The following ADGRL3 variants were observed in gnomAD, a reference collection of about 807,000 sequenced individuals.
ADGRL3 encodes the protein adhesion G protein-coupled receptor L3, also known as calcium-independent alpha-latrotoxin receptor 3.
In ADGRL3, 62 loss-of-function variants were observed where a neutral mutation model predicts 153.5. The ratio of observed to expected loss-of-function variants is 0.40; its 90% CI spans 0.33 to 0.50. The LOEUF (loss-of-function observed/expected upper bound fraction) is 0.50, where lower values mean the gene tolerates loss of function less well. Among genes scored for constraint, ADGRL3 ranks in the 20% least tolerant of loss-of-function variants. The pLI is 0.47. For synonymous variants in ADGRL3, 710 were observed against 672.5 expected, an observed-to-expected ratio of 1.06 and a Z score of -0.86; for missense variants, 1,641 against 1,859.4, an observed-to-expected ratio of 0.88 and a Z score of 2.16.
At position 61,627,900 on chromosome 4, in the gene ADGRL3, G is replaced by A. The variant is rs111643880; in HGVS notation, c.473+40460G>A. On this transcript the variant is annotated intron_variant, in intron 5 of 26. Transcript: ENST00000683033. Reference sequence around the variant, plus strand: ...ACTGTCATATGTTTTGTGTTTGGGTGGGCTAGGGGATTGAGGAAATGAAAG... The same window carrying A: ...ACTGTCATATGTTTTGTGTTTGGGTAGGCTAGGGGATTGAGGAAATGAAAG... Among the ~76,000 whole-genome samples, 291 of 152,092 alleles carry A rather than the reference G, an allele frequency of 1.9e-3. 3 individuals are homozygous for A. Among genetic ancestry groups the A allele is most frequent in the African/African-American group, 6.5e-3 (269 of 41,488 alleles).
rs1192697192 is a variant in ADGRL3, at chr4:61,424,102, T to C, written c.-174+40913T>C. On this transcript the variant is annotated intron_variant, in intron 2 of 26. Transcript: ENST00000683033. ...AGAACACTCAGGGGGTGAAGGGGCA[T>C]AGGCAGGTGGGACATGGCTTTATTA... Among the ~76,000 whole-genome samples, 3 of 152,032 alleles carry C rather than the reference T, an allele frequency of 2.0e-5. 1 individual carries two copies. The highest frequency in any genetic ancestry group is 2.0e-4 in the Admixed American group (3 of 15,250).
chr4:61,868,629 T>C (rs2098417210), intron 9 of ADGRL3, among the ~76,000 whole-genome samples: 1 of 152,196 alleles, frequency 6.6e-6, no homozygotes. Context: ...AAACTTGCCT[T>C]TCTTTTTTTT....
At chr4:61,340,836 A>G (rs1463369303) in intron 1 of ADGRL3, among the ~76,000 whole-genome samples, 1 of 151,386 alleles carries the variant, frequency 6.6e-6, no homozygotes, top group Non-Finnish European at 1.5e-5. Context: ...TTGTGTATAT[A>G]TATATATATA....
intron 1 of ADGRL3, among the ~76,000 whole-genome samples, chr4:61,358,596 C>CA (rs71211377): frequency 0.072 from 7,000 of 96,838 alleles, 747 homozygotes; most frequent in African/African-American, 0.22. Flanking sequence ...GACTCCGTCT[C>CA]AAAAAAAAAA....
At chr4:61,820,990 A>G (rs1285704261) in intron 9 of ADGRL3, among the ~76,000 whole-genome samples, 2 of 152,182 alleles carry the variant, frequency 1.3e-5, no homozygotes, top group African/African-American at 4.8e-5. Context: ...AAGCAGAGGC[A>G]TATATTATTT....
At chr4:61,377,241 A>C (rs2096614582) in intron 1 of ADGRL3, among the ~76,000 whole-genome samples, 1 of 152,088 alleles carries the variant, frequency 6.6e-6, no homozygotes, top group African/African-American at 2.4e-5. Flanking sequence ...TTATATGTGC[A>C]GACAGGCAAA....
chr4:61,799,038 T>TATAC lies in ADGRL3; in HGVS notation c.1400-14770_1400-14769insTACA, dbSNP rs1411460409. 2.5e-3 allele frequency among the ~76,000 whole-genome samples: 294 copies of TATAC among 115,690 alleles called. 5 individuals carry two copies. Among genetic ancestry groups the TATAC allele is most frequent in the African/African-American group, 9.3e-3 (265 of 28,594 alleles). 75.9% of individuals were successfully genotyped at this position (115,690 alleles called of 152,430 possible). A position where few individuals can be genotyped will look rare whatever the true frequency, so the allele number is the denominator to read the frequency against. On this transcript the variant is annotated intron_variant, in intron 8 of 26. Coordinates refer to ENST00000683033, the MANE Select transcript of ADGRL3 (RefSeq NM_001387552.1). ...ATATATATATATATATATATATATATACCATATATTGTATAGTTATACAGT... is the reference window on the plus strand; with the variant it reads ...ATATATATATATATATATATATATATATACACCATATATTGTATAGTTATACAGT...
In ADGRL3 at chr4:61,673,049, G is replaced by C. The variant is rs78950921; in HGVS notation, c.474-3777G>C. ...ATTTGTGATAACATGTATGAACCTGGAGGACATTATGCTAGATGAAATAAG... is the reference window on the plus strand; with the variant it reads ...ATTTGTGATAACATGTATGAACCTGCAGGACATTATGCTAGATGAAATAAG... On this transcript the variant is annotated intron_variant, in intron 5 of 26. Coordinates refer to ENST00000683033, the MANE Select transcript of ADGRL3 (RefSeq NM_001387552.1). Among the ~76,000 whole-genome samples, 1,499 of 151,978 alleles carry C rather than the reference G, an allele frequency of 9.9e-3. 25 individuals carry two copies. Among genetic ancestry groups the C allele is most frequent in the African/African-American group, 0.034 (1,423 of 41,512 alleles).
intron 5 of ADGRL3, among the ~76,000 whole-genome samples, chr4:61,673,339 A>C (rs560096729): frequency 6.6e-6 from 1 of 152,012 alleles, no homozygotes; most frequent in East Asian, 1.9e-4. Context: ...TAAGATGATG[A>C]ATATGTTAAT....
At chr4:61,406,636 C>A (rs1314039461) in intron 2 of ADGRL3, among the ~76,000 whole-genome samples, 7 of 151,642 alleles carry the variant, frequency 4.6e-5, no homozygotes, top group African/African-American at 1.7e-4. Flanking sequence ...TTAAAAAATA[C>A]TAGGATATAT....
At chr4:61,964,777 G>T (rs921620406) in intron 17 of ADGRL3, among the ~76,000 whole-genome samples, 2 of 151,724 alleles carry the variant, frequency 1.3e-5, no homozygotes, top group African/African-American at 4.8e-5. Flanking sequence ...AAATATAATG[G>T]TTCTAATCAT....
intron 9 of ADGRL3, among the ~76,000 whole-genome samples, chr4:61,865,037 C>T (rs112983211): frequency 0.02 from 2,974 of 152,222 alleles, 103 homozygotes; most frequent in African/African-American, 0.066. Context: ...TATAGAAGCT[C>T]TTCTTTATGC....
At chr4:61,747,701 C>G in intron 8 of ADGRL3, among the ~76,000 whole-genome samples, 1 of 146,598 alleles carries the variant, frequency 6.8e-6, no homozygotes, top group Non-Finnish European at 1.5e-5. Context: ...ATTGATGGGA[C>G]GTATCTCAAA....
At position 61,859,047 on chromosome 4, in the gene ADGRL3, G is replaced by A. The variant is rs2098311915; in HGVS notation, c.1481-33609G>A. Among the ~76,000 whole-genome samples, 3 of 152,132 alleles carry A rather than the reference G, an allele frequency of 2.0e-5. No individual in the cohort carries two copies. The South Asian group carries it at 6.2e-4, about 32-fold the overall frequency. On this transcript the variant is annotated intron_variant, in intron 9 of 26. Transcript: ENST00000683033. ...TTGTGATGAATAAGCCTATAGTATT[G>A]TTTAATACATACATTAACTTTATAA... is the stretch of plus-strand genomic sequence containing the variant.
intron 12 of ADGRL3, among the ~76,000 whole-genome samples, chr4:61,910,974 T>A (rs565496226): frequency 2.6e-5 from 4 of 151,996 alleles, no homozygotes; most frequent in East Asian, 1.9e-4. Flanking sequence ...TATTATTATT[T>A]TTCATTCTGA....
chr4:61,520,169 T>TCGGA (rs570451526), intron 4 of ADGRL3, among the ~76,000 whole-genome samples: 1 of 152,152 alleles, frequency 6.6e-6, no homozygotes, highest in Non-Finnish European at 1.5e-5. Context: ...TAAAAATAGT[T>TCGGA]CTCCTAAGTT....
At chr4:61,718,488 CT>C (rs1245852301) in intron 6 of ADGRL3, among the ~76,000 whole-genome samples, 3 of 152,086 alleles carry the variant, frequency 2.0e-5, no homozygotes, top group Non-Finnish European at 2.9e-5. Flanking sequence ...CATATAACTT[CT>C]ATTTGAAATG....
At chr4:62,005,704 A>G (rs978199006) in intron 21 of ADGRL3, among the ~76,000 whole-genome samples, 4 of 151,948 alleles carry the variant, frequency 2.6e-5, no homozygotes, top group Non-Finnish European at 5.9e-5. Context: ...TCATAAGACT[A>G]TAGTTTTTCC....
chr4:61,375,318 G>A (rs1226950017), intron 1 of ADGRL3, among the ~76,000 whole-genome samples: 1 of 152,098 alleles, frequency 6.6e-6, no homozygotes, highest in Non-Finnish European at 1.5e-5. Flanking sequence ...ACTAAAAACT[G>A]GAGGGTTAAA....
Sources: allele counts gnomAD v4.1 joint callset (sites outside exome capture counted in the v4.1 genomes callset), GRCh38; gene constraint gnomAD v4.1.1; transcripts MANE v1.5; gene names NCBI Gene and HGNC (gene_info 2026-07-23, HGNC 2026-07-21).